The following WDR25 variants were observed in gnomAD, a reference collection of about 807,000 sequenced individuals.
WDR25 encodes WD repeat-containing protein 25.
Under a neutral mutation model 47.7 loss-of-function variants are expected in WDR25, and 35 were observed. The observed-to-expected ratio is 0.73, with a 90% CI of 0.56 to 0.97. The LOEUF (loss-of-function observed/expected upper bound fraction) is 0.97. Ranked by LOEUF, WDR25 falls within the 50% of genes least tolerant of loss-of-function variation. The pLI is 0.00. For missense variants in WDR25, 634 were observed against 704.7 expected (o/e 0.90, Z 1.14); for synonymous variants, 248 against 278.9 (o/e 0.89, Z 1.10).
intron 3 of WDR25, among the ~76,000 whole-genome samples, chr14:100,474,971 T>G (rs183667465): frequency 2.6e-5 from 4 of 152,188 alleles, no homozygotes; most frequent in African/African-American, 9.7e-5. Flanking sequence ...ATTTTTAAAA[T>G]GAGCAAAGGA....
chr14:100,380,983 C>G lies in WDR25; in HGVS notation c.59C>G (p.Ser20Trp). The change falls in exon 2 of 7, where the codon TCG becomes TGG. Residue 20 changes from serine to tryptophan, a missense_variant. Transcript: ENST00000402312. ...ASLVAYDDSD[S>W]EAETEHAGSF... Reference sequence around the variant, plus strand: ...TTGGTAGCGTATGATGATTCGGACTCGGAGGCTGAGACAGAGCATGCAGGA... The same window carrying G: ...TTGGTAGCGTATGATGATTCGGACTGGGAGGCTGAGACAGAGCATGCAGGA... 1 of 1,614,168 alleles carries G rather than the reference C, an allele frequency of 6.2e-7. No individual in the cohort carries two copies. The highest frequency in any genetic ancestry group is 2.2e-5 in the East Asian group (1 of 44,888).
At chr14:100,383,825 A>G (rs1896959695) in intron 2 of WDR25, among the ~76,000 whole-genome samples, 1 of 152,212 alleles carries the variant, frequency 6.6e-6, no homozygotes, top group Admixed American at 6.5e-5. Context: ...TGGAGGGGAA[A>G]CTGTGAGCAG....
At chr14:100,458,363 G>T (rs1221369185) in intron 2 of WDR25, among the ~76,000 whole-genome samples, 3 of 151,990 alleles carry the variant, frequency 2.0e-5, no homozygotes, top group Admixed American at 6.6e-5. Context: ...TAAACATTAG[G>T]TGCATAAATA....
chr14:100,431,755 G>T (rs1281887895), intron 2 of WDR25, among the ~76,000 whole-genome samples: 1 of 151,454 alleles, frequency 6.6e-6, no homozygotes, highest in Non-Finnish European at 1.5e-5. Context: ...TGTTGCCCAG[G>T]CTGGAGTGCA....
At chr14:100,377,492 T>A (rs1158421117) in intron 1 of WDR25, among the ~76,000 whole-genome samples, 1 of 151,468 alleles carries the variant, frequency 6.6e-6, no homozygotes, top group Non-Finnish European at 1.5e-5. Context: ...GTATTTTTAG[T>A]AGAGACGGGG....
In WDR25 at chr14:100,498,382, C is replaced by T. The variant is rs1298145653; in HGVS notation, c.1101+14258C>T. Reference sequence around the variant, plus strand: ...AGTGGATAGCTCTCTTTCCCCTCTGCATGCCCCTTTTCCACCAAACAGATT... The same window carrying T: ...AGTGGATAGCTCTCTTTCCCCTCTGTATGCCCCTTTTCCACCAAACAGATT... On this transcript the variant is annotated intron_variant, in intron 4 of 6. Coordinates refer to ENST00000402312, the MANE Select transcript of WDR25 (RefSeq NM_001161476.3). The surrounding 1 kb of genome is among the most constrained non-coding windows in gnomAD (Gnocchi z 4.2). Among the ~76,000 whole-genome samples the T allele has an allele frequency of 6.6e-6, 1 of 152,214 alleles. No homozygotes were observed. Among genetic ancestry groups the T allele is most frequent in the East Asian group, 1.9e-4 (1 of 5,192 alleles).
chr14:100,390,105 A>C (rs1897107316), intron 2 of WDR25, among the ~76,000 whole-genome samples: 1 of 152,166 alleles, frequency 6.6e-6, no homozygotes, highest in African/African-American at 2.4e-5. Flanking sequence ...GAAGAATAAT[A>C]TATATTCAGG....
intron 2 of WDR25, among the ~76,000 whole-genome samples, chr14:100,456,117 C>T (rs191527304): frequency 4.6e-5 from 7 of 152,138 alleles, no homozygotes; most frequent in Admixed American, 1.3e-4. Flanking sequence ...CAGCTACTTG[C>T]GAGGATGAGG....
At position 100,523,561 on chromosome 14, in the gene WDR25, A is replaced by G. The variant is rs774066680; in HGVS notation, c.1102-2309A>G. 6.6e-5 allele frequency among the ~76,000 whole-genome samples: 10 copies of G among 152,278 alleles called. No homozygotes were observed. Among genetic ancestry groups the G allele is most frequent in the Non-Finnish European group, 1.0e-4 (7 of 68,008 alleles). On this transcript the variant is annotated intron_variant, in intron 4 of 6. Coordinates refer to ENST00000402312, the MANE Select transcript of WDR25 (RefSeq NM_001161476.3). This position sits in a 1 kb window ranked among gnomAD's most constrained non-coding sequence, Gnocchi z 4.7. ...AAGGGAACGAACCTTCCCCAGGCAC[A>G]TAGTAAATCTGTAGTGGGCCAAGAT...
intron 2 of WDR25, among the ~76,000 whole-genome samples, chr14:100,405,854 A>G (rs775085682): frequency 6.6e-6 from 1 of 152,220 alleles, no homozygotes; most frequent in East Asian, 1.9e-4. Flanking sequence ...ACCCACCTGG[A>G]TGTTTTTCTC....
At chr14:100,517,960 TC>T (rs1901563261) in intron 4 of WDR25, among the ~76,000 whole-genome samples, 1 of 152,212 alleles carries the variant, frequency 6.6e-6, no homozygotes, top group African/African-American at 2.4e-5. Context: ...ACATTGAAGA[TC>T]CCCTTCCCAG....
rs1900880512 is a variant in WDR25 at position 100,500,414 on chromosome 14, G to A, written c.1101+16290G>A. On this transcript the variant is annotated intron_variant, in intron 4 of 6. Coordinates refer to ENST00000402312, the MANE Select transcript of WDR25 (RefSeq NM_001161476.3). The surrounding 1 kb of genome is among the most constrained non-coding windows in gnomAD (Gnocchi z 4.7). ...GGCTCTGGCTGTGGAGGGTGGAGAA[G>A]GAGGGGTGGGGATGGTCAGATGGAG... Among the ~76,000 whole-genome samples, 1 of 152,208 alleles carries A rather than the reference G, an allele frequency of 6.6e-6. No homozygotes were observed. Among genetic ancestry groups the A allele is most frequent in the African/African-American group, 2.4e-5 (1 of 41,458 alleles).
At chr14:100,386,149 G>GA (rs984342165) in intron 2 of WDR25, among the ~76,000 whole-genome samples, 2 of 151,690 alleles carry the variant, frequency 1.3e-5, no homozygotes, top group Non-Finnish European at 2.9e-5. Flanking sequence ...AAAATACTTT[G>GA]AAAAAAAACC....
chr14:100,409,129 C>T (rs1386002497), intron 2 of WDR25, among the ~76,000 whole-genome samples: 1 of 152,170 alleles, frequency 6.6e-6, no homozygotes, highest in African/African-American at 2.4e-5. Flanking sequence ...CTCCCAGGTT[C>T]CTCCCTCCAA....
chr14:100,458,961 G>A (rs1899290996), intron 2 of WDR25, among the ~76,000 whole-genome samples: 1 of 152,090 alleles, frequency 6.6e-6, no homozygotes, highest in African/African-American at 2.4e-5. Flanking sequence ...TCAAATCTGT[G>A]ATCTCAGCTT....
chr14:100,444,350 G>A (rs1055097198), intron 2 of WDR25, among the ~76,000 whole-genome samples: 2 of 152,238 alleles, frequency 1.3e-5, no homozygotes, highest in South Asian at 2.1e-4. Context: ...GAGTGCATCC[G>A]TGCCACTTAG....
chr14:100,419,212 A>G (rs1309241173), intron 2 of WDR25, among the ~76,000 whole-genome samples: 18 of 132,770 alleles, frequency 1.4e-4, no homozygotes, highest in African/African-American at 5.4e-4. Context: ...ACAGAACAAG[A>G]CTCCATCACA....
intron 1 of WDR25, among the ~76,000 whole-genome samples, chr14:100,379,985 C>T (rs571195369): frequency 2.7e-4 from 41 of 151,370 alleles, no homozygotes; most frequent in African/African-American, 8.7e-4. Flanking sequence ...TGTGATTCCC[C>T]CCGCCTTGGC....
intron 2 of WDR25, among the ~76,000 whole-genome samples, chr14:100,400,682 C>G (rs1035321984): frequency 1.3e-5 from 2 of 152,216 alleles, no homozygotes; most frequent in African/African-American, 4.8e-5. Context: ...GCAAAAGGCA[C>G]TTTCCATCTG....
Sources: gnomAD v4.1 joint callset for allele counts (sites outside exome capture counted in the v4.1 genomes callset) on GRCh38, gnomAD v4.1.1 for gene constraint, Gnocchi (gnomAD v3.1) non-coding constraint, MANE v1.5 for transcripts, NCBI Gene and HGNC (gene_info 2026-07-23, HGNC 2026-07-21) for gene names.